ZNF446: variants seen among roughly 807,000 people sequenced by gnomAD.
ZNF446 encodes the protein zinc finger protein with KRAB and SCAN domains 20.
ZNF446 carries 42 observed loss-of-function variants against 34.0 expected under a neutral mutation model. The observed-to-expected ratio is 1.23, with a 90% CI of 0.96 to 1.60. The LOEUF (loss-of-function observed/expected upper bound fraction) is 1.60. Among genes scored for constraint, ZNF446 ranks in the 40% most tolerant of loss-of-function variants. The probability of loss-of-function intolerance (pLI) is 0.00; values close to 1 mark genes in which losing one functional copy is unlikely to be tolerated. For missense variants in ZNF446, 650 were observed against 600.2 expected (o/e 1.08, Z -0.87); for synonymous variants, 315 against 251.0 (o/e 1.25, Z -2.41).
At chr19:58,484,517 AGG>A (rs1468648658), downstream of ZNF446, among the ~76,000 whole-genome samples, 1 of 150,670 alleles carries the variant, frequency 6.6e-6, no homozygotes, top group Non-Finnish European at 1.5e-5. Context: ...TGTAAACACT[AGG>A]GGGAAAATTG....
Position 58,477,500 on chromosome 19 carries a change from T to C in ZNF446, c.282T>C (p.Pro94=). 6.2e-7 allele frequency: 1 copy of C among 1,613,308 alleles called. No homozygotes were observed. The highest frequency in any genetic ancestry group is 8.5e-7 in the Non-Finnish European group (1 of 1,179,858). ...AWVRGQRPGS[P]EEAAALVEGL... is the part of the protein sequence containing the mutation. The stretch of plus-strand genomic sequence containing the variant: ...TGCGCGGTCAGCGGCCAGGCAGTCC[T>C]GAGGAGGCCGCTGCCCTAGTCGAAG... Residue 94 remains proline, a synonymous_variant, in exon 2 of 7, where the codon CCT becomes CCC. Coordinates refer to ENST00000594369, the MANE Select transcript of ZNF446 (RefSeq NM_017908.4).
downstream of ZNF446, among the ~76,000 whole-genome samples, chr19:58,485,927 T>C (rs1315316441): frequency 1.3e-5 from 2 of 151,962 alleles, no homozygotes; most frequent in African/African-American, 4.8e-5. Flanking sequence ...TGTTTTGTTT[T>C]TGTTTGTTTT....
At chr19:58,477,104 C>T in intron 1 of ZNF446, 75 bp from the exon 2 acceptor site, 1 of 920,612 alleles carries the variant, frequency 1.1e-6, no homozygotes, top group Non-Finnish European at 1.6e-6. Flanking sequence ...TCTCAGCCCC[C>T]TGGGCTGAGC....
At position 58,477,447 on chromosome 19, in the gene ZNF446, A is replaced by C. The variant is rs1280256611; in HGVS notation, c.229A>C (p.Thr77Pro). The change falls in exon 2 of 7, where the codon ACA becomes CCA. Residue 77 changes from threonine to proline, a missense_variant. Thr to Pro is a conservative substitution (Grantham distance 38). Transcript: ENST00000594369. ...EMLVLEQFLG[T>P]LPPEIQAWVR... ...GCTGGTGCTGGAGCAGTTCCTGGGC[A>C]CACTGCCTCCCGAGATCCAGGCCTG... 6 of 1,613,620 alleles carry C rather than the reference A, an allele frequency of 3.7e-6. No homozygotes were observed. The highest frequency in any genetic ancestry group is 8.5e-7 in the Non-Finnish European group (1 of 1,180,030).
At chr19:58,487,131 C>A in the ZNF446 span, among the ~76,000 whole-genome samples, 1 of 152,230 alleles carries the variant, frequency 6.6e-6, no homozygotes, top group South Asian at 2.1e-4. Context: ...AGTATACAGA[C>A]CCCTAAAACC....
downstream of ZNF446, among the ~76,000 whole-genome samples, chr19:58,485,469 C>A (rs1360211975): frequency 6.6e-6 from 1 of 152,070 alleles, no homozygotes; most frequent in Non-Finnish European, 1.5e-5. Context: ...GAGATCATGC[C>A]ACTGCACTCC....
Position 58,477,442 on chromosome 19 carries a change from T to C in ZNF446, c.224T>C (p.Leu75Pro), listed in dbSNP as rs932673545. The C allele has an allele frequency of 6.2e-7, 1 of 1,613,586 alleles. No homozygotes were observed. Among genetic ancestry groups the C allele is most frequent in the Non-Finnish European group, 8.5e-7 (1 of 1,180,024 alleles). Residue 75 changes from leucine to proline, a missense_variant, in exon 2 of 7, where the codon CTG becomes CCG. Coordinates refer to ENST00000594369, the MANE Select transcript of ZNF446 (RefSeq NM_017908.4). ...MLEMLVLEQF[L>P]GTLPPEIQAW... is the part of the protein sequence containing the mutation. ...GAGATGCTGGTGCTGGAGCAGTTCC[T>C]GGGCACACTGCCTCCCGAGATCCAG...
chr19:58,486,724 G>GA, the ZNF446 span, among the ~76,000 whole-genome samples: 303 of 150,460 alleles, frequency 2.0e-3, 1 homozygote, highest in Admixed American at 4.0e-3. Context: ...TTTTGGGGGG[G>GA]GGCGGGGAGA....
rs2122452311 is a variant in ZNF446, at chr19:58,481,090, C to T, written c.*364C>T. ...TCAGGTGGGTGTTCAAAAACTGTGCCTTCCCACTCGTCTGTGCAGAGGCTG... is the reference window on the plus strand; with the variant it reads ...TCAGGTGGGTGTTCAAAAACTGTGCTTTCCCACTCGTCTGTGCAGAGGCTG... On this transcript the variant is annotated 3_prime_UTR_variant, in exon 7 of 7. Coordinates refer to ENST00000594369, the MANE Select transcript of ZNF446 (RefSeq NM_017908.4). 7.2e-6 allele frequency: 2 copies of T among 278,444 alleles called. No homozygotes were observed. The highest frequency in any genetic ancestry group is 1.2e-4 in the South Asian group (2 of 16,228). The allele number at this position is 278,444 out of a possible 1,614,324, so 17.2% of individuals were successfully genotyped here.
the ZNF446 span, among the ~76,000 whole-genome samples, chr19:58,488,243 C>T: frequency 0.48 from 9,755 of 20,166 alleles, 2,199 homozygotes; most frequent in East Asian, 0.54. Context: ...GCCACACACC[C>T]TGTTCATGGC....
At chr19:58,479,457 C>A in intron 4 of ZNF446, 186 bp from the exon 5 acceptor site, 10 of 623,194 alleles carry the variant, frequency 1.6e-5, no homozygotes, top group South Asian at 5.8e-5. Context: ...GGCAGCAGCA[C>A]TGGTCAGGTG....
downstream of ZNF446, among the ~76,000 whole-genome samples, chr19:58,482,964 A>G (rs1363430311): frequency 6.6e-6 from 1 of 152,248 alleles, no homozygotes; most frequent in Non-Finnish European, 1.5e-5. Flanking sequence ...TTTAGAAGCA[A>G]TTTATGCTCA....
intron 4 of ZNF446, among the ~76,000 whole-genome samples, chr19:58,478,849 T>C (rs1304865387): frequency 1.3e-5 from 2 of 151,932 alleles, no homozygotes; most frequent in East Asian, 1.9e-4. Context: ...GGGGAGAAGA[T>C]GACCAGCTGT....
chr19:58,486,105 T>C (rs2053167497), downstream of ZNF446, among the ~76,000 whole-genome samples: 1 of 146,804 alleles, frequency 6.8e-6, no homozygotes, highest in Admixed American at 6.8e-5. Context: ...TTTTTTTTTT[T>C]TTTTTTGAGA....
the ZNF446 span, among the ~76,000 whole-genome samples, chr19:58,486,455 T>C: frequency 6.6e-6 from 1 of 152,088 alleles, no homozygotes; most frequent in Non-Finnish European, 1.5e-5. Context: ...TTCCCCAAGC[T>C]GGAGTGCAAT....
At chr19:58,478,593 G>A (rs780166540) in intron 4 of ZNF446, among the ~76,000 whole-genome samples, 3 of 151,990 alleles carry the variant, frequency 2.0e-5, no homozygotes, top group Non-Finnish European at 4.4e-5. Flanking sequence ...GAACCCAGGA[G>A]GCAGAGGATG....
At position 58,477,509 on chromosome 19, in the gene ZNF446, C is replaced by A; in HGVS notation, c.291C>A (p.Ala97=). Residue 97 remains alanine, a synonymous_variant, in exon 2 of 7, where the codon GCC becomes GCA. Coordinates refer to ENST00000594369, the MANE Select transcript of ZNF446 (RefSeq NM_017908.4). ...AGCGGCCAGGCAGTCCTGAGGAGGC[C>A]GCTGCCCTAGTCGAAGGACTGCAGC... The part of the protein sequence containing the change: ...RGQRPGSPEE[A]AALVEGLQHD... 6.2e-7 allele frequency: 1 copy of A among 1,613,094 alleles called. No homozygotes were observed. Among genetic ancestry groups the A allele is most frequent in the Non-Finnish European group, 8.5e-7 (1 of 1,179,664 alleles).
rs1672981712 is a variant in ZNF446, at chr19:58,479,413, G to A, written c.628-230G>A. On this transcript the variant is annotated intron_variant, in intron 4 of 6. Transcript: ENST00000594369. Reference sequence around the variant, plus strand: ...TGTGATGCTGCCAAACCTGCCCTCTGAGCAGGATGGTGTAGTAGAGGGGGA... The same window carrying A: ...TGTGATGCTGCCAAACCTGCCCTCTAAGCAGGATGGTGTAGTAGAGGGGGA... 1.4e-5 allele frequency: 8 copies of A among 556,096 alleles called. No homozygotes were observed. The South Asian group carries it at 1.5e-4, about 10-fold the overall frequency. 34.4% of individuals were successfully genotyped at this position (556,096 alleles called of 1,614,324 possible).
chr19:58,479,182 C>T (rs900344541), intron 4 of ZNF446, among the ~76,000 whole-genome samples: 1 of 152,124 alleles, frequency 6.6e-6, no homozygotes, highest in Non-Finnish European at 1.5e-5. Context: ...GTAGGCTGCA[C>T]TTCCCAGTGT....
Sources: gnomAD v4.1 joint callset for allele counts (sites outside exome capture counted in the v4.1 genomes callset) on GRCh38, gnomAD v4.1.1 for gene constraint, MANE v1.5 for transcripts, NCBI Gene and HGNC (gene_info 2026-07-23, HGNC 2026-07-21) for gene names.